JAK1: variants seen among roughly 807,000 people sequenced by gnomAD.
The protein encoded by JAK1 is tyrosine-protein kinase JAK1.
JAK1 carries 16 observed loss-of-function variants against 136.6 expected under a neutral mutation model. That is an observed-to-expected ratio of 0.12 (90% confidence interval 0.08 to 0.18). The LOEUF (loss-of-function observed/expected upper bound fraction) is 0.18, where lower values mean the gene tolerates loss of function less well. JAK1 is among the 10% of genes least tolerant of loss of function. The pLI, the probability that JAK1 is intolerant of heterozygous loss-of-function variation, is 1.00. For missense variants in JAK1, 859 were observed against 1,450.1 expected (o/e 0.59, Z 6.62); for synonymous variants, 492 against 519.5 (o/e 0.95, Z 0.72).
intron 13 of JAK1, 42 bp from the exon 14 acceptor site, chr1:64,846,778 C>G (rs766055703): frequency 6.6e-7 from 1 of 1,512,574 alleles, no homozygotes; most frequent in South Asian, 1.1e-5. Flanking sequence ...GGCCAGCCTC[C>G]AGGGGGCTGC....
At chr1:64,985,580 A>G in intron 2 of JAK1, 1 of 1,070,904 alleles carries the variant, frequency 9.3e-7, no homozygotes, top group Non-Finnish European at 1.4e-6. Flanking sequence ...ATTCCAGATC[A>G]AAGATCTGGG....
intron 5 of JAK1, among the ~76,000 whole-genome samples, chr1:64,871,525 A>G (rs1657072131): frequency 6.6e-6 from 1 of 152,174 alleles, no homozygotes; most frequent in Non-Finnish European, 1.5e-5. Flanking sequence ...TGTATGTTTC[A>G]CAGGCATCTC....
chr1:64,839,658 T>C lies in JAK1; in HGVS notation c.2787A>G (p.Leu929=). The part of the protein sequence containing the change: ...IADLKKEIEI[L]RNLYHENIVK... ...CAATGTTCTCATGATAGAGGTTCCT[T>C]AAGATCTCGATTTCCTTTTTCAGAT... Residue 929 remains leucine (L), a synonymous_variant, in exon 20 of 25, where the codon TTA becomes TTG. Coordinates refer to ENST00000342505, the MANE Select transcript of JAK1 (RefSeq NM_002227.4). 1 of 1,614,246 alleles carries C rather than the reference T, an allele frequency of 6.2e-7. No homozygotes were observed. Among genetic ancestry groups the C allele is most frequent in the East Asian group, 2.2e-5 (1 of 44,892 alleles).
chr1:65,065,123 T>C (rs1647983818), intron 1 of JAK1, among the ~76,000 whole-genome samples: 1 of 152,178 alleles, frequency 6.6e-6, no homozygotes. Context: ...GCTGGATTCC[T>C]AAGGTAGTTC....
At chr1:64,958,180 T>G (rs1352935628) in intron 1 of JAK1, among the ~76,000 whole-genome samples, 1 of 152,222 alleles carries the variant, frequency 6.6e-6, no homozygotes, top group African/African-American at 2.4e-5. Flanking sequence ...AGCATTTGTA[T>G]TTCAGCCAGC....
chr1:64,917,471 A>G (rs1645418641), intron 1 of JAK1, among the ~76,000 whole-genome samples: 1 of 152,190 alleles, frequency 6.6e-6, no homozygotes, highest in South Asian at 2.1e-4. Context: ...AGCGGTCTCA[A>G]CACAAAAGCT....
At chr1:65,032,225 C>G (rs912980676) in intron 2 of JAK1, among the ~76,000 whole-genome samples, 2 of 152,164 alleles carry the variant, frequency 1.3e-5, no homozygotes. Context: ...CTCAGCCTCC[C>G]AAAGTGCTGG....
chr1:65,022,693 T>A (rs1646946834), intron 2 of JAK1, among the ~76,000 whole-genome samples: 2 of 152,216 alleles, frequency 1.3e-5, no homozygotes, highest in Non-Finnish European at 2.9e-5. Flanking sequence ...TTTTAGACTT[T>A]AACATAGTCA....
At position 64,923,196 on chromosome 1, in the gene JAK1, C is replaced by T. The variant is rs544822168; in HGVS notation, c.-77-36855G>A. 3.9e-5 allele frequency among the ~76,000 whole-genome samples: 6 copies of T among 152,256 alleles called. No individual in the cohort carries two copies. The East Asian group carries it at 5.8e-4, about 15-fold the overall frequency. ...CAATTGCAGCCTACAATGACTGACA[C>T]GCAACATAATTAGCACTTCATTAAA... On this transcript the variant is annotated intron_variant, in intron 1 of 24. Transcript: ENST00000342505.
At chr1:64,981,290 C>T (rs891543830) in intron 2 of JAK1, among the ~76,000 whole-genome samples, 3 of 152,228 alleles carry the variant, frequency 2.0e-5, no homozygotes, top group Non-Finnish European at 4.4e-5. Flanking sequence ...TTGCCTACAT[C>T]ATTCCTTGGA....
upstream of JAK1, among the ~76,000 whole-genome samples, chr1:64,969,111 TA>T (rs556278912): frequency 2.0e-3 from 281 of 142,938 alleles, 4 homozygotes; most frequent in South Asian, 2.0e-3. Context: ...CCCCTTCTCT[TA>T]AAAAAAAAAA....
chr1:65,055,935 G>A (rs1280775255), intron 1 of JAK1, among the ~76,000 whole-genome samples: 1 of 152,138 alleles, frequency 6.6e-6, no homozygotes, highest in South Asian at 2.1e-4. Flanking sequence ...AAAACCCAAT[G>A]AATTTTTATA....
chr1:64,990,583 A>T (rs1334913097), intron 2 of JAK1: 1 of 152,184 alleles, frequency 6.6e-6, no homozygotes, highest in Non-Finnish European at 1.5e-5. Context: ...CAACAAAAAA[A>T]ATCACAAGAA....
intron 1 of JAK1, chr1:65,067,553 GGCCCCGCGC>G (rs1238423121): frequency 2.7e-5 from 4 of 145,692 alleles, no homozygotes; most frequent in South Asian, 1.8e-4. Flanking sequence ...GCGGGCGCTC[GGCCCCGCGC>G]GCCCCGCCGC....
chr1:64,974,822 A>C (rs1182773238), intron 2 of JAK1: 1 of 152,300 alleles, frequency 6.6e-6, no homozygotes, highest in East Asian at 1.9e-4. Context: ...CCTTGAGCCA[A>C]AGTGGCCACG....
chr1:64,851,978 C>A (rs1424050635), intron 11 of JAK1, among the ~76,000 whole-genome samples: 1 of 152,190 alleles, frequency 6.6e-6, no homozygotes, highest in Non-Finnish European at 1.5e-5. Context: ...AACAGCCAGG[C>A]ACAACCCATG....
chr1:65,009,502 G>A (rs1476251423), intron 2 of JAK1, among the ~76,000 whole-genome samples: 1 of 151,988 alleles, frequency 6.6e-6, no homozygotes, highest in African/African-American at 2.4e-5. Flanking sequence ...GAAACTTACT[G>A]GAAATGAAAA....
intron 10 of JAK1, among the ~76,000 whole-genome samples, chr1:64,856,340 A>G (rs1655928451): frequency 6.6e-6 from 1 of 152,252 alleles, no homozygotes; most frequent in African/African-American, 2.4e-5. Flanking sequence ...TAAGCTGTAA[A>G]CTAGGAGATG....
At chr1:64,841,380 T>C (rs1447216796) in intron 18 of JAK1, 41 bp from the exon 19 acceptor site, 2 of 1,610,110 alleles carry the variant, frequency 1.2e-6, no homozygotes, top group Middle Eastern at 1.7e-4. Context: ...AGGCAGTCGA[T>C]TGCCAGGGAT....
Sources: gnomAD v4.1 joint callset for allele counts (sites outside exome capture counted in the v4.1 genomes callset) on GRCh38, gnomAD v4.1.1 for gene constraint, MANE v1.5 for transcripts, NCBI Gene and HGNC (gene_info 2026-07-23, HGNC 2026-07-21) for gene names.